ANKRD28: variants seen among roughly 807,000 people sequenced by gnomAD.
ANKRD28 encodes the protein ankyrin repeat domain 28.
ANKRD28 carries 44 observed loss-of-function variants against 126.5 expected under a neutral mutation model. The ratio of observed to expected loss-of-function variants is 0.35; its 90% CI spans 0.27 to 0.45. ANKRD28 has a LOEUF of 0.45. Ranked by LOEUF, ANKRD28 falls within the 20% of genes least tolerant of loss-of-function variation. The pLI is 1.00. For missense variants in ANKRD28, 1,110 were observed against 1,316.6 expected (o/e 0.84, Z 2.43); for synonymous variants, 442 against 468.5 (o/e 0.94, Z 0.73).
intron 4 of ANKRD28, among the ~76,000 whole-genome samples, chr3:15,742,015 A>G (rs1302165616): frequency 4.6e-5 from 7 of 152,198 alleles, no homozygotes; most frequent in Admixed American, 4.6e-4. Context: ...CCGGGATTGC[A>G]GACGGAGTCT....
In ANKRD28 at chr3:15,677,071, G is replaced by A; in HGVS notation, c.2791-15C>T. ...GTTTCATGACCCTATAATTGTGGCA[G>A]ATAAGTTATAAAAACTTGAGCACCA... On this transcript the variant is annotated splice_polypyrimidine_tract_variant and intron_variant, in intron 25 of 27. Transcript: ENST00000683139. 2 of 1,606,130 alleles carry A rather than the reference G, an allele frequency of 1.2e-6. No individual in the cohort carries two copies. The highest frequency in any genetic ancestry group is 2.2e-5 in the South Asian group (2 of 90,782).
chr3:15,750,441 G>A (rs1243475406), intron 4 of ANKRD28, among the ~76,000 whole-genome samples: 1 of 152,146 alleles, frequency 6.6e-6, no homozygotes, highest in Non-Finnish European at 1.5e-5. Context: ...CAGCTGAAAA[G>A]TTGCACGTAA....
chr3:15,832,655 A>G (rs1432190612), intron 1 of ANKRD28, among the ~76,000 whole-genome samples: 1 of 152,140 alleles, frequency 6.6e-6, no homozygotes, highest in African/African-American at 2.4e-5. Context: ...TCCCCTTGGT[A>G]TGTCCCATAT....
chr3:15,749,493 C>A (rs115742096), intron 4 of ANKRD28, among the ~76,000 whole-genome samples: 1,996 of 152,286 alleles, frequency 0.013, 30 homozygotes, highest in African/African-American at 0.031. Context: ...GACTTCTTTT[C>A]CTGGCAATTC....
intron 2 of ANKRD28, among the ~76,000 whole-genome samples, chr3:15,772,449 C>T (rs935323855): frequency 3.3e-5 from 5 of 152,060 alleles, no homozygotes; most frequent in Non-Finnish European, 5.9e-5. Context: ...AGATGAATAT[C>T]CCCCATCAAC....
At chr3:15,773,937 A>T (rs1001619573) in intron 2 of ANKRD28, among the ~76,000 whole-genome samples, 1 of 152,218 alleles carries the variant, frequency 6.6e-6, no homozygotes, top group African/African-American at 2.4e-5. Context: ...ATAAAAGTGA[A>T]GTAATCAAGG....
chr3:15,797,102 A>G lies in ANKRD28; in HGVS notation c.-581T>C, dbSNP rs113727992. 8.5e-4 allele frequency: 834 copies of G among 985,176 alleles called. 10 individuals are homozygous for G. In the African/African-American group the frequency reaches 0.014, roughly 16 times the overall value. 61.0% of individuals were successfully genotyped at this position (985,176 alleles called of 1,614,324 possible). On this transcript the variant is annotated 5_prime_UTR_variant, in exon 1 of 28. Coordinates refer to ENST00000683139, the MANE Select transcript of ANKRD28 (RefSeq NM_001349278.2). ...CATTTCTTCATCACTGGTTTAATGC[A>G]GATACTATTCACAGAAAAAAGATCT...
intron 1 of ANKRD28, 55 bp from the exon 2 acceptor site, chr3:15,795,361 G>C: frequency 2.4e-6 from 3 of 1,226,028 alleles, no homozygotes; most frequent in South Asian, 1.2e-5. Context: ...GGGTGACTAA[G>C]GATATTTTAC....
intron 2 of ANKRD28, among the ~76,000 whole-genome samples, chr3:15,782,365 T>C (rs1343677895): frequency 6.6e-6 from 1 of 152,184 alleles, no homozygotes; most frequent in East Asian, 1.9e-4. Flanking sequence ...CAAAAAATTA[T>C]AAAATACAGA....
intron 27 of ANKRD28, 88 bp downstream of exon 27, chr3:15,675,810 T>TA (rs2066875676): frequency 8.6e-7 from 1 of 1,162,440 alleles, no homozygotes; most frequent in Non-Finnish European, 1.2e-6. Context: ...CTTTGACCAA[T>TA]AAAAAATATC....
At position 15,833,369 on chromosome 3, in the gene ANKRD28, T is replaced by G. The variant is rs1419459969; in HGVS notation, c.27+26008A>C. Among the ~76,000 whole-genome samples the G allele has an allele frequency of 6.6e-6, 1 of 152,032 alleles. No homozygotes were observed. Among genetic ancestry groups the G allele is most frequent in the Admixed American group, 6.6e-5 (1 of 15,248 alleles). Reference sequence around the variant, plus strand: ...CTGCCCTCAAGCATTGGACTCCAAGTTATTCAGTTTTGGGGCTCGGACTGG... The same window carrying G: ...CTGCCCTCAAGCATTGGACTCCAAGGTATTCAGTTTTGGGGCTCGGACTGG... On this transcript the variant is annotated intron_variant, in intron 1 of 27. Transcript: ENST00000399451. This position sits in a 1 kb window ranked among gnomAD's most constrained non-coding sequence, Gnocchi z 4.4.
intron 14 of ANKRD28, among the ~76,000 whole-genome samples, chr3:15,703,776 G>GCT (rs2070957964): frequency 6.6e-6 from 1 of 152,232 alleles, no homozygotes; most frequent in Admixed American, 6.5e-5. Context: ...GTAATGGATA[G>GCT]AGGACGGAAG....
At position 15,770,034 on chromosome 3, in the gene ANKRD28, A is replaced by T. The variant is rs577185339; in HGVS notation, c.202-3722T>A. The stretch of plus-strand genomic sequence containing the variant: ...CATCCATTGAAAAAGCCTTGGTCTA[A>T]CTTAAAAAAAAAAAAAAAAGTTATG... On this transcript the variant is annotated intron_variant, in intron 2 of 27. Coordinates refer to ENST00000683139, the MANE Select transcript of ANKRD28 (RefSeq NM_001349278.2). Among the ~76,000 whole-genome samples, 33 of 151,800 alleles carry T rather than the reference A, an allele frequency of 2.2e-4. No homozygotes were observed. The South Asian group carries it at 7.0e-3, about 32-fold the overall frequency.
chr3:15,827,215 T>C (rs2061086380), intron 1 of ANKRD28, among the ~76,000 whole-genome samples: 1 of 152,052 alleles, frequency 6.6e-6, no homozygotes. Flanking sequence ...TGAAGGTTCC[T>C]CAAAAAATTA....
intron 1 of ANKRD28, among the ~76,000 whole-genome samples, chr3:15,834,871 G>T (rs1185010139): frequency 6.6e-6 from 1 of 152,130 alleles, no homozygotes; most frequent in Non-Finnish European, 1.5e-5. Flanking sequence ...GTAATAAAAA[G>T]AACTGCTGAT....
At chr3:15,800,510 CTATT>C (rs1357989341), upstream of ANKRD28, among the ~76,000 whole-genome samples, 1 of 152,044 alleles carries the variant, frequency 6.6e-6, no homozygotes, top group Non-Finnish European at 1.5e-5. Context: ...GGATCAAAGG[CTATT>C]AAACTCCTCC....
At chr3:15,753,219 T>G (rs1267999377) in intron 3 of ANKRD28, among the ~76,000 whole-genome samples, 1 of 152,148 alleles carries the variant, frequency 6.6e-6, no homozygotes, top group Non-Finnish European at 1.5e-5. Flanking sequence ...TAATAAATAT[T>G]TGGGCAACTA....
chr3:15,738,215 T>C (rs2075166129), intron 4 of ANKRD28, among the ~76,000 whole-genome samples: 1 of 152,156 alleles, frequency 6.6e-6, no homozygotes, highest in South Asian at 2.1e-4. Context: ...TTTCCCTAAG[T>C]GTCGGCTGGT....
At chr3:15,801,191 C>T (rs1377892887), upstream of ANKRD28, among the ~76,000 whole-genome samples, 1 of 152,060 alleles carries the variant, frequency 6.6e-6, no homozygotes, top group Non-Finnish European at 1.5e-5. This position sits in a 1 kb window ranked among gnomAD's most constrained non-coding sequence, Gnocchi z 4.9. Context: ...TAAAATGTAT[C>T]CTATTAAGAG....
Sources: allele counts gnomAD v4.1 joint callset (sites outside exome capture counted in the v4.1 genomes callset), GRCh38; gene constraint gnomAD v4.1.1; non-coding constraint Gnocchi (gnomAD v3.1); transcripts MANE v1.5; gene names NCBI Gene and HGNC (gene_info 2026-07-23, HGNC 2026-07-21).